The following CDH23 variants were observed in gnomAD, a reference collection of about 807,000 sequenced individuals.
CDH23 encodes the protein cadherin related 23, also known as cadherin-23.
A neutral mutation model predicts 317.1 loss-of-function variants in CDH23; 189 were observed. That is an observed-to-expected ratio of 0.60 (90% CI 0.53 to 0.67). The LOEUF (loss-of-function observed/expected upper bound fraction) is 0.67. CDH23 is among the 30% of genes least tolerant of loss of function. The pLI is 0.00. For missense variants in CDH23, 4,401 were observed against 4,592.4 expected, an observed-to-expected ratio of 0.96 and a Z score of 1.20; for synonymous variants, 1,839 against 1,876.8, an observed-to-expected ratio of 0.98 and a Z score of 0.52.
chr10:71,786,641 G>C (rs965107427), intron 44 of CDH23, among the ~76,000 whole-genome samples: 1 of 152,010 alleles, frequency 6.6e-6, no homozygotes, highest in African/African-American at 2.4e-5. Flanking sequence ...AGGATTACAT[G>C]CACACGCCAC....
intron 26 of CDH23, among the ~76,000 whole-genome samples, chr10:71,708,648 A>T (rs868798586): frequency 6.6e-6 from 1 of 151,718 alleles, no homozygotes; most frequent in African/African-American, 2.4e-5. Context: ...GGCCTGGGGG[A>T]TGCTCAGCCA....
At chr10:71,615,791 GCACC>G (rs1268362465) in intron 10 of CDH23, among the ~76,000 whole-genome samples, 175 bp downstream of exon 10, 2 of 152,212 alleles carry the variant, frequency 1.3e-5, no homozygotes, top group Admixed American at 6.5e-5. Flanking sequence ...CATCAGGAAG[GCACC>G]CACGTTATGA....
At chr10:71,781,938 C>T (rs1840967972) in intron 41 of CDH23, among the ~76,000 whole-genome samples, 1 of 152,204 alleles carries the variant, frequency 6.6e-6, no homozygotes. Flanking sequence ...CCTCGGGGTT[C>T]ATGTTGGTCA....
chr10:71,751,801 G>A lies in CDH23; in HGVS notation c.4845+9880G>A, dbSNP rs775738494. ...ACAGGGGGTGCCTGACTTTGGCCTC[G>A]GGTATCCCCTGGGCAGGTGGTGAGG... On this transcript the variant is annotated intron_variant, in intron 38 of 69. Transcript: ENST00000224721. This position sits in a 1 kb window ranked among gnomAD's most constrained non-coding sequence, Gnocchi z 4.9. 9.4e-6 allele frequency: 15 copies of A among 1,595,424 alleles called. No individual in the cohort carries two copies. Among genetic ancestry groups the A allele is most frequent in the East Asian group, 9.0e-5 (4 of 44,498 alleles).
intron 6 of CDH23, among the ~76,000 whole-genome samples, chr10:71,524,422 C>A (rs1371221945): frequency 4.6e-5 from 7 of 152,198 alleles, no homozygotes. Flanking sequence ...GCGGTTCGAG[C>A]TCCCTGCCAG....
At chr10:71,576,883 A>G (rs975958346) in intron 8 of CDH23, among the ~76,000 whole-genome samples, 6 of 152,162 alleles carry the variant, frequency 3.9e-5, no homozygotes, top group African/African-American at 1.4e-4. Context: ...CAATCAATCA[A>G]CCCATCAATT....
At chr10:71,649,181 T>G (rs1863044257) in intron 14 of CDH23, among the ~76,000 whole-genome samples, 1 of 152,110 alleles carries the variant, frequency 6.6e-6, no homozygotes, top group East Asian at 1.9e-4. Context: ...GCTCTTGGCC[T>G]CCTTCACCCG....
chr10:71,790,226 G>C, intron 45 of CDH23, 62 bp from the exon 46 acceptor site: 1 of 1,596,212 alleles, frequency 6.3e-7, no homozygotes, highest in Non-Finnish European at 8.5e-7. Context: ...GGACAGGGCA[G>C]GGGAGGTGGG....
intron 20 of CDH23, among the ~76,000 whole-genome samples, chr10:71,692,816 A>T (rs1262966131): frequency 6.6e-6 from 1 of 152,214 alleles, no homozygotes; most frequent in African/African-American, 2.4e-5. Flanking sequence ...CAGCTCAGGC[A>T]ATGGGGATAA....
intron 9 of CDH23, among the ~76,000 whole-genome samples, chr10:71,581,569 T>A (rs75935876): frequency 0.022 from 3,403 of 152,350 alleles, 45 homozygotes; most frequent in Non-Finnish European, 0.035. Flanking sequence ...TAATGACCCC[T>A]CTGTTTTGCC....
intron 20 of CDH23, among the ~76,000 whole-genome samples, chr10:71,691,356 T>C (rs1865177249): frequency 6.6e-6 from 1 of 152,238 alleles, no homozygotes; most frequent in African/African-American, 2.4e-5. Flanking sequence ...GGGTGGGGGC[T>C]GCTCTGAGCC....
In CDH23 at chr10:71,577,977, T is replaced by C. The variant is rs1193428402; in HGVS notation, c.817T>C (p.Tyr273His). ...QDKGRPRGIG[Y>H]TIVSGNTNSI... ...TAAAGGACGTCCCCGGGGCATTGGCTACACCATCGTTTCAGGTAAGACAGA... is the reference window on the plus strand; with the variant it reads ...TAAAGGACGTCCCCGGGGCATTGGCCACACCATCGTTTCAGGTAAGACAGA... Residue 273 changes from tyrosine to histidine, a missense_variant, in exon 9 of 70, where the codon TAC (tyrosine) becomes CAC (histidine). By Grantham distance (83) the Tyr-to-His change is moderately conservative (BLOSUM62 2). Around this residue, in one of 3 missense-constraint regions of CDH23, gnomAD observed 3,068 missense variants for 3,203.3 expected, o/e 0.96. Transcript: ENST00000224721. 1.9e-6 allele frequency: 3 copies of C among 1,601,232 alleles called. No individual in the cohort carries two copies. The highest frequency in any genetic ancestry group is 1.1e-5 in the South Asian group (1 of 88,238).
intron 6 of CDH23, among the ~76,000 whole-genome samples, chr10:71,528,904 A>T (rs1855197518): frequency 6.6e-6 from 1 of 152,156 alleles, no homozygotes; most frequent in African/African-American, 2.4e-5. Flanking sequence ...CACTGCACTA[A>T]AACCAGCAGA....
chr10:71,632,165 AC>A, intron 11 of CDH23, among the ~76,000 whole-genome samples: 1 of 152,112 alleles, frequency 6.6e-6, no homozygotes. Flanking sequence ...ATTATGGAAT[AC>A]CCCCACACCC....
intron 8 of CDH23, among the ~76,000 whole-genome samples, 159 bp downstream of exon 8, chr10:71,571,077 C>T (rs1043415105): frequency 3.3e-5 from 5 of 152,224 alleles, no homozygotes; most frequent in Admixed American, 6.5e-5. Context: ...CAGCGAAACC[C>T]CAGCCACTCT....
chr10:71,674,565 C>T (rs1243831290), intron 14 of CDH23, among the ~76,000 whole-genome samples: 1 of 152,182 alleles, frequency 6.6e-6, no homozygotes, highest in Non-Finnish European at 1.5e-5. Context: ...TTTACTGTCT[C>T]GAAGTACTGC....
intron 41 of CDH23, 98 bp downstream of exon 41, chr10:71,779,545 T>C (rs149511952): frequency 5.2e-6 from 5 of 970,554 alleles, no homozygotes; most frequent in African/African-American, 4.9e-5. Flanking sequence ...GGCCTCACCA[T>C]TGTGTGATTT....
intron 3 of CDH23, among the ~76,000 whole-genome samples, chr10:71,448,952 G>A (rs969316869): frequency 6.6e-6 from 1 of 152,170 alleles, no homozygotes; most frequent in Non-Finnish European, 1.5e-5. Flanking sequence ...ATGGGGAGTG[G>A]GGTGGTCTAG....
chr10:71,731,062 G>A (rs570376432), intron 31 of CDH23, among the ~76,000 whole-genome samples: 14 of 152,350 alleles, frequency 9.2e-5, no homozygotes, highest in South Asian at 2.1e-4. Flanking sequence ...TTCCTGTGCC[G>A]CAGGGCAGTA....
Sources: allele counts gnomAD v4.1 joint callset (sites outside exome capture counted in the v4.1 genomes callset), GRCh38; gene constraint gnomAD v4.1.1; regional missense constraint gnomAD v4.1.1; non-coding constraint Gnocchi (gnomAD v3.1); transcripts MANE v1.5; gene names NCBI Gene and HGNC (gene_info 2026-07-23, HGNC 2026-07-21).